Variants in MEI4 observed in about 807,000 individuals in gnomAD.
MEI4 encodes the protein meiosis-specific protein MEI4.
In MEI4, 27 loss-of-function variants were observed where a neutral mutation model predicts 31.4. That is an observed-to-expected ratio of 0.86 (90% CI 0.63 to 1.19). The LOEUF (loss-of-function observed/expected upper bound fraction) is 1.19, where lower values mean the gene tolerates loss of function less well. Among genes scored for constraint, MEI4 ranks in the 50% most tolerant of loss-of-function variants. The pLI, the probability that MEI4 is intolerant of heterozygous loss-of-function variation, is 0.00. For missense variants in MEI4, 329 were observed against 398.9 expected, an observed-to-expected ratio of 0.82 and a Z score of 1.49; for synonymous variants, 122 against 145.4, an observed-to-expected ratio of 0.84 and a Z score of 1.16.
At chr6:77,792,081 A>G (rs537298857) in intron 3 of MEI4, among the ~76,000 whole-genome samples, 78 of 152,216 alleles carry the variant, frequency 5.1e-4, no homozygotes, top group African/African-American at 1.4e-3. Context: ...ACCTAATGTA[A>G]TGTCCTCCAG....
At chr6:77,695,106 G>A (rs1765987967) in intron 2 of MEI4, among the ~76,000 whole-genome samples, 1 of 152,096 alleles carries the variant, frequency 6.6e-6, no homozygotes, top group Non-Finnish European at 1.5e-5. Flanking sequence ...TTTTTGATGG[G>A]GTTGTTTATT....
At chr6:77,707,595 T>C (rs1766361413) in intron 2 of MEI4, among the ~76,000 whole-genome samples, 1 of 152,202 alleles carries the variant, frequency 6.6e-6, no homozygotes, top group Non-Finnish European at 1.5e-5. Flanking sequence ...CAAGTGCTAC[T>C]ATCCAAGACA....
chr6:77,756,822 T>G (rs1052030334), intron 2 of MEI4, among the ~76,000 whole-genome samples: 1 of 152,170 alleles, frequency 6.6e-6, no homozygotes, highest in Non-Finnish European at 1.5e-5. Context: ...AGACCTGTTA[T>G]AGCCCACAGC....
chr6:77,809,075 A>G (rs780498739), intron 3 of MEI4, among the ~76,000 whole-genome samples: 13 of 152,256 alleles, frequency 8.5e-5, no homozygotes, highest in Admixed American at 3.9e-4. Context: ...TCTGGGTGTC[A>G]TATCACGGTG....
chr6:77,911,911 A>G (rs1190186896), intron 4 of MEI4, among the ~76,000 whole-genome samples: 1 of 151,672 alleles, frequency 6.6e-6, no homozygotes, highest in Non-Finnish European at 1.5e-5. Context: ...GCCTAGAAAA[A>G]TGTCCTGAAG....
intron 4 of MEI4, among the ~76,000 whole-genome samples, chr6:77,869,150 T>C (rs1170952794): frequency 6.6e-6 from 1 of 152,068 alleles, no homozygotes; most frequent in Non-Finnish European, 1.5e-5. Context: ...GGCCTTACAT[T>C]CCAGGGGAGG....
intron 4 of MEI4, among the ~76,000 whole-genome samples, chr6:77,910,293 G>T (rs574009157): frequency 8.1e-4 from 123 of 152,190 alleles, no homozygotes; most frequent in African/African-American, 2.9e-3. Flanking sequence ...TGACATGATT[G>T]TATAACTAGA....
At chr6:77,922,804 T>G (rs1338349437) in intron 4 of MEI4, among the ~76,000 whole-genome samples, 3 of 151,770 alleles carry the variant, frequency 2.0e-5, no homozygotes. Context: ...TAAGACCCCT[T>G]GCCAAGTATT....
Position 77,741,188 on chromosome 6 carries a change from T to TA in MEI4, c.233-19939dup, listed in dbSNP as rs909054474. On this transcript the variant is annotated intron_variant, in intron 2 of 4. Transcript: ENST00000684080. ...ATGTTTTGGTGAACTGTCAGGAATT[T>TA]AAAGTTGCTTGCATGTAAATAACGA... is the stretch of plus-strand genomic sequence containing the variant. Among the ~76,000 whole-genome samples the TA allele has an allele frequency of 9.3e-4, 141 of 152,232 alleles. 1 individual carries two copies. The highest frequency in any genetic ancestry group is 1.9e-4 in the Non-Finnish European group (13 of 68,018).
chr6:77,783,906 C>T (rs574059792), intron 3 of MEI4, among the ~76,000 whole-genome samples: 370 of 151,874 alleles, frequency 2.4e-3, no homozygotes, highest in Non-Finnish European at 4.3e-3. Flanking sequence ...CCAGAAGATA[C>T]GTTCCTTGGA....
At chr6:77,791,245 G>C (rs6935421) in intron 3 of MEI4, among the ~76,000 whole-genome samples, 1 of 151,978 alleles carries the variant, frequency 6.6e-6, no homozygotes, top group East Asian at 1.9e-4. Flanking sequence ...TGTTTATTGC[G>C]GCATTATTCA....
chr6:77,651,824 CATGAGT>C (rs1330034956), upstream of MEI4, among the ~76,000 whole-genome samples: 1 of 152,150 alleles, frequency 6.6e-6, no homozygotes, highest in African/African-American at 2.4e-5. Flanking sequence ...AATTGATAAC[CATGAGT>C]ATGTTTTTTA....
chr6:77,802,372 G>A (rs1309571390), intron 3 of MEI4, among the ~76,000 whole-genome samples: 3 of 152,140 alleles, frequency 2.0e-5, no homozygotes, highest in Non-Finnish European at 2.9e-5. Context: ...GTCTCTGCAT[G>A]TGAGATGGGT....
At chr6:77,839,414 A>G (rs555738991) in intron 4 of MEI4, among the ~76,000 whole-genome samples, 2 of 152,234 alleles carry the variant, frequency 1.3e-5, no homozygotes, top group African/African-American at 2.4e-5. Context: ...CTATCTCTGG[A>G]CAACTCTCTG....
intron 4 of MEI4, among the ~76,000 whole-genome samples, chr6:77,859,554 C>A (rs1770820879): frequency 6.6e-6 from 1 of 152,074 alleles, no homozygotes; most frequent in African/African-American, 2.4e-5. Flanking sequence ...TTAATAATCG[C>A]CATTCTGAGT....
intron 4 of MEI4, among the ~76,000 whole-genome samples, chr6:77,906,269 T>C (rs1766294190): frequency 6.6e-6 from 1 of 152,188 alleles, no homozygotes; most frequent in Non-Finnish European, 1.5e-5. Context: ...TTTGTGCTGA[T>C]GTCTGCACAT....
chr6:77,661,145 A>C (rs909552320), intron 1 of MEI4, among the ~76,000 whole-genome samples: 14 of 152,188 alleles, frequency 9.2e-5, no homozygotes, highest in African/African-American at 3.4e-4. Context: ...AGCAAGAGGT[A>C]AAAGTACTGT....
chr6:77,869,606 C>T (rs538568562), intron 4 of MEI4, among the ~76,000 whole-genome samples: 28 of 152,214 alleles, frequency 1.8e-4, no homozygotes, highest in Middle Eastern at 3.4e-3. Context: ...GGCTTCCAGT[C>T]TCTAGAACTG....
At chr6:77,865,786 T>G (rs1438328178) in intron 4 of MEI4, among the ~76,000 whole-genome samples, 2 of 152,082 alleles carry the variant, frequency 1.3e-5, no homozygotes, top group East Asian at 3.9e-4. Context: ...AAAAAGAGAA[T>G]TTTAGACCAA....
Sources: allele counts gnomAD v4.1 joint callset (sites outside exome capture counted in the v4.1 genomes callset), GRCh38; gene constraint gnomAD v4.1.1; transcripts MANE v1.5; gene names NCBI Gene and HGNC (gene_info 2026-07-23, HGNC 2026-07-21).